Variants in SESTD1 observed in about 807,000 individuals in gnomAD.
SESTD1 encodes SEC14 domain and spectrin repeat-containing protein 1.
Under a neutral mutation model 101.7 loss-of-function variants are expected in SESTD1, and 43 were observed. That is an observed-to-expected ratio of 0.42 (90% confidence interval 0.33 to 0.55). The LOEUF (loss-of-function observed/expected upper bound fraction) is 0.55. SESTD1 is among the 20% of genes least tolerant of loss of function. The probability of loss-of-function intolerance (pLI) is 0.07; values close to 1 mark genes in which losing one functional copy is unlikely to be tolerated. For synonymous variants in SESTD1, 283 were observed against 286.8 expected (o/e 0.99, Z 0.13); for missense variants, 647 against 815.1 (o/e 0.79, Z 2.51).
intron 1 of SESTD1, among the ~76,000 whole-genome samples, chr2:179,251,775 T>C (rs1316377760): frequency 6.6e-6 from 1 of 152,188 alleles, no homozygotes; most frequent in Admixed American, 6.5e-5. Context: ...CCTTGCCCTT[T>C]TTCCCATATG....
At chr2:179,151,447 A>C in intron 5 of SESTD1, 56 bp from the exon 6 acceptor site, 1 of 1,278,992 alleles carries the variant, frequency 7.8e-7, no homozygotes. Context: ...AAAATCCACG[A>C]AAGTAACCAG....
intron 1 of SESTD1, among the ~76,000 whole-genome samples, chr2:179,206,583 T>C (rs2046593805): frequency 7.4e-6 from 1 of 134,452 alleles, no homozygotes; most frequent in Admixed American, 7.2e-5. Flanking sequence ...AGGCAGCTGG[T>C]GAAATTGGGG....
intron 2 of SESTD1, among the ~76,000 whole-genome samples, chr2:179,183,836 G>C (rs2046161090): frequency 7.0e-6 from 1 of 143,258 alleles, no homozygotes; most frequent in Non-Finnish European, 1.5e-5. Context: ...AAAGAAAGGA[G>C]AGAGAGAGAG....
chr2:179,254,262 C>T (rs2047360462), intron 1 of SESTD1, among the ~76,000 whole-genome samples: 1 of 151,888 alleles, frequency 6.6e-6, no homozygotes, highest in African/African-American at 2.4e-5. Context: ...AATTTAGGAG[C>T]TAAAAAAGAA....
rs201740778 is a variant in SESTD1 at position 179,163,590 on chromosome 2, AAG to A, written c.369+8528_369+8529del. 4.6e-3 allele frequency among the ~76,000 whole-genome samples: 675 copies of A among 146,646 alleles called. 2 individuals carry two copies. Among genetic ancestry groups the A allele is most frequent in the African/African-American group, 0.017 (641 of 37,208 alleles). ...ATATATATAAAAGAAGGAAAAAAAAAAGATCACTACCCTGCACAAGCATTTCA... is the reference window on the plus strand; with the variant it reads ...ATATATATAAAAGAAGGAAAAAAAAAATCACTACCCTGCACAAGCATTTCA... On this transcript the variant is annotated intron_variant, in intron 5 of 17. Coordinates refer to ENST00000428443, the MANE Select transcript of SESTD1 (RefSeq NM_178123.5).
At chr2:179,122,334 A>G (rs2044772061) in intron 12 of SESTD1, among the ~76,000 whole-genome samples, 1 of 152,254 alleles carries the variant, frequency 6.6e-6, no homozygotes, top group African/African-American at 2.4e-5. Flanking sequence ...AAAAAAGCGC[A>G]TAAGCCTTGC....
chr2:179,149,059 C>CAAAAAAAAAAAAAAA (rs66636048), intron 7 of SESTD1, among the ~76,000 whole-genome samples: 2 of 60,410 alleles, frequency 3.3e-5, no homozygotes, highest in African/African-American at 1.1e-4. Flanking sequence ...GACTCCGTCT[C>CAAAAAAAAAAAAAAA]AAAAAAAAAA....
At chr2:179,112,618 C>T (rs2044533567) in intron 17 of SESTD1, 106 bp downstream of exon 17, 1 of 1,378,674 alleles carries the variant, frequency 7.3e-7, no homozygotes, top group Non-Finnish European at 9.6e-7. Flanking sequence ...AAGATGTGGA[C>T]CAAACCTAAT....
At chr2:179,242,970 G>C (rs774789782) in intron 1 of SESTD1, among the ~76,000 whole-genome samples, 2 of 152,082 alleles carry the variant, frequency 1.3e-5, no homozygotes, top group African/African-American at 2.4e-5. Context: ...TTAAACTAAA[G>C]AGCTTCTGCA....
intron 12 of SESTD1, among the ~76,000 whole-genome samples, chr2:179,123,103 T>A (rs563748358): frequency 2.0e-5 from 3 of 152,206 alleles, no homozygotes; most frequent in Admixed American, 1.3e-4. Flanking sequence ...CACCTTCCCA[T>A]TGTCACATCC....
chr2:179,126,556 A>G (rs1322361642), intron 10 of SESTD1, among the ~76,000 whole-genome samples: 2 of 152,158 alleles, frequency 1.3e-5, no homozygotes, highest in African/African-American at 4.8e-5. Context: ...AAATAGATCT[A>G]TAGGCTAAGA....
At chr2:179,217,802 A>G (rs929942907) in intron 1 of SESTD1, among the ~76,000 whole-genome samples, 3 of 152,186 alleles carry the variant, frequency 2.0e-5, no homozygotes, top group Non-Finnish European at 2.9e-5. Flanking sequence ...ATGCAGCCAT[A>G]AAAAAGGATG....
rs1367984640 is a variant in SESTD1 at position 179,264,740 on chromosome 2, C to G, written c.-267G>C. On this transcript the variant is annotated 5_prime_UTR_variant, in exon 1 of 18. Transcript: ENST00000428443. ...GGGGGTGCGGGTGGCCCGGCGACCT[C>G]TCGGCACCCGCGGCCCGAGCCGCGT... The G allele has an allele frequency of 6.6e-6, 1 of 151,454 alleles. No homozygotes were observed. The highest frequency in any genetic ancestry group is 1.5e-5 in the Non-Finnish European group (1 of 67,574). The allele number at this position is 151,454 out of a possible 1,614,324, so 9.4% of individuals were successfully genotyped here.
At chr2:179,202,755 C>T (rs1428757845) in intron 1 of SESTD1, among the ~76,000 whole-genome samples, 1 of 135,228 alleles carries the variant, frequency 7.4e-6, no homozygotes, top group African/African-American at 2.9e-5. Flanking sequence ...ATCATTCTCT[C>T]CCCAAAGATG....
chr2:179,119,160 ATTG>A (rs761974046), intron 13 of SESTD1, among the ~76,000 whole-genome samples: 10 of 152,238 alleles, frequency 6.6e-5, no homozygotes, highest in Non-Finnish European at 1.0e-4. Flanking sequence ...GTTTTACACA[ATTG>A]TTGTACTTTA....
At chr2:179,188,829 G>T (rs1046529198) in intron 2 of SESTD1, among the ~76,000 whole-genome samples, 7 of 152,134 alleles carry the variant, frequency 4.6e-5, no homozygotes, top group African/African-American at 4.8e-5. Context: ...AAACTCTAGA[G>T]AAATGGATAA....
chr2:179,198,968 A>G (rs1431096966), intron 1 of SESTD1, among the ~76,000 whole-genome samples: 1 of 152,248 alleles, frequency 6.6e-6, no homozygotes, highest in African/African-American at 2.4e-5. Flanking sequence ...AGTTAAACTG[A>G]AGGAAATAGA....
At chr2:179,187,194 C>A (rs1254393386) in intron 2 of SESTD1, among the ~76,000 whole-genome samples, 1 of 152,140 alleles carries the variant, frequency 6.6e-6, no homozygotes, top group African/African-American at 2.4e-5. Flanking sequence ...CCCTATAAAG[C>A]AACTACGCAA....
At chr2:179,181,058 T>C (rs1038459416) in intron 3 of SESTD1, among the ~76,000 whole-genome samples, 3 of 152,224 alleles carry the variant, frequency 2.0e-5, no homozygotes. Context: ...TCTCTGCTAG[T>C]TGGCAGGTAC....
Sources: gnomAD v4.1 joint callset for allele counts (sites outside exome capture counted in the v4.1 genomes callset) on GRCh38, gnomAD v4.1.1 for gene constraint, MANE v1.5 for transcripts, NCBI Gene and HGNC (gene_info 2026-07-23, HGNC 2026-07-21) for gene names.